Variants in FSIP1 observed in about 807,000 individuals in gnomAD.
The protein encoded by FSIP1 is fibrous sheath-interacting protein 1.
FSIP1 carries 65 observed loss-of-function variants against 60.9 expected under a neutral mutation model. The ratio of observed to expected loss-of-function variants is 1.07; its 90% CI spans 0.87 to 1.31. FSIP1 has a LOEUF of 1.31. Ranked by LOEUF, FSIP1 falls within the 40% of genes most tolerant of loss-of-function variation. The pLI, the probability that FSIP1 is intolerant of heterozygous loss-of-function variation, is 0.00. For synonymous variants in FSIP1, 209 were observed against 221.2 expected (o/e 0.94, Z 0.49); for missense variants, 675 against 665.5 (o/e 1.01, Z -0.16).
chr15:39,680,222 C>G (rs933168703), intron 10 of FSIP1, among the ~76,000 whole-genome samples: 1 of 152,016 alleles, frequency 6.6e-6, no homozygotes, highest in East Asian at 1.9e-4. Flanking sequence ...ATCTCAAAAA[C>G]CAACAAAAGA....
At chr15:39,613,042 G>T (rs1229970636) in intron 11 of FSIP1, among the ~76,000 whole-genome samples, 1 of 151,802 alleles carries the variant, frequency 6.6e-6, no homozygotes, top group East Asian at 1.9e-4. Flanking sequence ...AGAATATGAA[G>T]ACAATTTAAA....
At chr15:39,775,342 A>G (rs574446354) in intron 2 of FSIP1, among the ~76,000 whole-genome samples, 11 of 152,128 alleles carry the variant, frequency 7.2e-5, no homozygotes, top group Non-Finnish European at 1.3e-4. Context: ...CTAGTCTACA[A>G]ACAAAAAAAA....
intron 10 of FSIP1, among the ~76,000 whole-genome samples, chr15:39,668,727 C>A (rs757357409): frequency 2.6e-5 from 4 of 152,178 alleles, no homozygotes; most frequent in Non-Finnish European, 5.9e-5. Flanking sequence ...GGAATCTAAA[C>A]CCAGCCTTTC....
At chr15:39,775,911 T>C (rs1898038574) in intron 2 of FSIP1, among the ~76,000 whole-genome samples, 1 of 151,992 alleles carries the variant, frequency 6.6e-6, no homozygotes, top group Non-Finnish European at 1.5e-5. Context: ...ACAATATACC[T>C]ACCCAATATA....
chr15:39,752,266 C>T (rs568289330), intron 5 of FSIP1, among the ~76,000 whole-genome samples: 16 of 152,008 alleles, frequency 1.1e-4, no homozygotes, highest in African/African-American at 3.9e-4. Context: ...GAGTTGATTT[C>T]TGTACATGGT....
At chr15:39,705,305 A>G (rs1419365009) in intron 10 of FSIP1, among the ~76,000 whole-genome samples, 1 of 152,184 alleles carries the variant, frequency 6.6e-6, no homozygotes, top group Non-Finnish European at 1.5e-5. Context: ...CCTAGAAGTC[A>G]AAAATGTTCT....
chr15:39,642,462 G>A (rs1408792052), intron 10 of FSIP1, among the ~76,000 whole-genome samples: 1 of 152,174 alleles, frequency 6.6e-6, no homozygotes, highest in Non-Finnish European at 1.5e-5. Flanking sequence ...TTAGCAGCCT[G>A]TTTCTACCTG....
chr15:39,733,654 C>T (rs200842942), intron 8 of FSIP1, among the ~76,000 whole-genome samples: 1 of 152,138 alleles, frequency 6.6e-6, no homozygotes, highest in Non-Finnish European at 1.5e-5. Context: ...ACAGCTTGGC[C>T]GCTGAGATGC....
In FSIP1 at chr15:39,726,606, C is replaced by T. The variant is rs141300649; in HGVS notation, c.1033G>A (p.Glu345Lys). 13 of 1,613,950 alleles carry T rather than the reference C, an allele frequency of 8.1e-6. No homozygotes were observed. The African/African-American group carries it at 1.3e-4, about 17-fold the overall frequency. The change falls in exon 9 of 12, where the codon GAA becomes AAA. Residue 345 changes from glutamate to lysine, a missense_variant. By Grantham distance (56) the Glu-to-Lys change is moderately conservative (BLOSUM62 1). Transcript: ENST00000350221. ...PTISSFSPRL[E>K]NRNNQKPDRD... ...TCAAATACCTGATTATTCCGATTTT[C>T]AAGTCTTGGAGAAAAACTGGAAATT...
chr15:39,678,257 T>C (rs181072438), intron 10 of FSIP1, among the ~76,000 whole-genome samples: 2 of 152,106 alleles, frequency 1.3e-5, no homozygotes. Flanking sequence ...AAAAATGAAA[T>C]ATAAATAATT....
chr15:39,743,520 AT>A, intron 5 of FSIP1, among the ~76,000 whole-genome samples: 1 of 152,356 alleles, frequency 6.6e-6, no homozygotes, highest in South Asian at 2.1e-4. Context: ...AGAAGAAATT[AT>A]GGAATTAACC....
chr15:39,607,103 G>A (rs1378588402), intron 11 of FSIP1, among the ~76,000 whole-genome samples: 1 of 152,146 alleles, frequency 6.6e-6, no homozygotes, highest in Admixed American at 6.5e-5. Context: ...ACTGTCCGTG[G>A]GAAGCTAAGT....
chr15:39,604,374 A>G (rs1001872568), intron 11 of FSIP1, among the ~76,000 whole-genome samples: 2 of 152,236 alleles, frequency 1.3e-5, no homozygotes, highest in African/African-American at 4.8e-5. Flanking sequence ...GTTTCCAATA[A>G]CTGATAAAGT....
intron 10 of FSIP1, among the ~76,000 whole-genome samples, chr15:39,696,773 T>C (rs1894828601): frequency 6.6e-6 from 1 of 151,734 alleles, no homozygotes; most frequent in Non-Finnish European, 1.5e-5. Context: ...ATGTAGAATA[T>C]GATCCTGGTT....
At chr15:39,623,425 C>T (rs1891518667) in intron 10 of FSIP1, among the ~76,000 whole-genome samples, 1 of 152,120 alleles carries the variant, frequency 6.6e-6, no homozygotes, top group African/African-American at 2.4e-5. Flanking sequence ...ACCATTATCA[C>T]AAGTGAGAAA....
intron 10 of FSIP1, among the ~76,000 whole-genome samples, chr15:39,676,168 A>G (rs139540781): frequency 0.059 from 4,543 of 76,814 alleles, 245 homozygotes; most frequent in African/African-American, 0.16. Flanking sequence ...GTGAGACTCC[A>G]TCTCAAAAAA....
At chr15:39,755,193 G>A (rs1163213353) in intron 5 of FSIP1, among the ~76,000 whole-genome samples, 1 of 152,016 alleles carries the variant, frequency 6.6e-6, no homozygotes, top group African/African-American at 2.4e-5. Context: ...AAGAGCCAGA[G>A]AGATTGAAGC....
intron 10 of FSIP1, among the ~76,000 whole-genome samples, chr15:39,660,221 C>T (rs909147201): frequency 1.3e-5 from 2 of 152,138 alleles, no homozygotes; most frequent in Non-Finnish European, 2.9e-5. Context: ...CTAGGTGAGG[C>T]TAGAGAGGGT....
rs566980087 is a variant in FSIP1 at position 39,746,613 on chromosome 15, G to GA, written c.560-4714dup. The stretch of plus-strand genomic sequence containing the variant: ...ATTGGAGGATAAGAAGACACAGAAG[G>GA]AAAAAAAATGAAAAACAAATGAAAC... On this transcript the variant is annotated intron_variant, in intron 5 of 11. Coordinates refer to ENST00000350221, the MANE Select transcript of FSIP1 (RefSeq NM_152597.5). Among the ~76,000 whole-genome samples the GA allele has an allele frequency of 2.6e-5, 4 of 151,684 alleles. No individual in the cohort carries two copies. In the South Asian group the frequency reaches 6.3e-4, roughly 24 times the overall value.
Sources: allele counts gnomAD v4.1 joint callset (sites outside exome capture counted in the v4.1 genomes callset), GRCh38; gene constraint gnomAD v4.1.1; transcripts MANE v1.5; gene names NCBI Gene and HGNC (gene_info 2026-07-23, HGNC 2026-07-21).